Variants in NFAT5 observed in about 807,000 individuals in gnomAD.
NFAT5 encodes the protein nuclear factor of activated T-cells 5.
NFAT5 carries 31 observed loss-of-function variants against 166.5 expected under a neutral mutation model. The ratio of observed to expected loss-of-function variants is 0.19; its 90% CI spans 0.14 to 0.25. The LOEUF (loss-of-function observed/expected upper bound fraction) is 0.25, where lower values mean the gene tolerates loss of function less well. NFAT5 is among the 10% of genes least tolerant of loss of function. NFAT5 has a pLI of 1.00. For synonymous variants in NFAT5, 612 were observed against 639.7 expected, an observed-to-expected ratio of 0.96 and a Z score of 0.65; for missense variants, 1,449 against 1,821.8, an observed-to-expected ratio of 0.80 and a Z score of 3.72.
In NFAT5 at chr16:69,694,165, C is replaced by T. The variant is rs773391272; in HGVS notation, c.4340C>T (p.Thr1447Ile). Residue 1447 changes from threonine to isoleucine, a missense_variant, in exon 13 of 15, where the codon ACA (threonine) becomes ATA (isoleucine). Physicochemically the swap from Thr to Ile is moderately conservative, Grantham distance 89 (BLOSUM62 -1). Around this residue, in one of 7 missense-constraint regions of NFAT5, gnomAD observed 891 missense variants for 993.0 expected, o/e 0.90. Transcript: ENST00000349945. ...ATLFHNTAGG[T>I]MNQLQNSPGS... ...TTATTTCACAACACAGCAGGAGGCACAATGAACCAACTGCAGAATTCTCCT... is the reference window on the plus strand; with the variant it reads ...TTATTTCACAACACAGCAGGAGGCATAATGAACCAACTGCAGAATTCTCCT... 6 of 1,614,192 alleles carry T rather than the reference C, an allele frequency of 3.7e-6. No homozygotes were observed. Among genetic ancestry groups the T allele is most frequent in the Admixed American group, 3.3e-5 (2 of 60,028 alleles).
intron 7 of NFAT5, among the ~76,000 whole-genome samples, chr16:69,664,352 C>G (rs1471563739): frequency 6.6e-6 from 1 of 151,888 alleles, no homozygotes; most frequent in Non-Finnish European, 1.5e-5. Flanking sequence ...AGTGGCGATC[C>G]CGGCTCACTG....
At chr16:69,666,900 T>C (rs1202941872) in intron 7 of NFAT5, among the ~76,000 whole-genome samples, 1 of 151,946 alleles carries the variant, frequency 6.6e-6, no homozygotes, top group Non-Finnish European at 1.5e-5. Context: ...CTATTCACAA[T>C]AGCAAAGACT....
chr16:69,635,228 C>T (rs948284369), intron 3 of NFAT5, among the ~76,000 whole-genome samples: 1 of 152,190 alleles, frequency 6.6e-6, no homozygotes, highest in African/African-American at 2.4e-5. Context: ...CCAGGCTGGT[C>T]TTGAACTCCG....
intron 7 of NFAT5, among the ~76,000 whole-genome samples, chr16:69,668,767 C>T (rs1178466961): frequency 6.6e-6 from 1 of 152,154 alleles, no homozygotes; most frequent in Non-Finnish European, 1.5e-5. Context: ...CAACCTCCAC[C>T]TCCCAGGTTC....
Position 69,693,398 on chromosome 16 carries a change from A to G in NFAT5, c.3573A>G (p.Thr1191=). Residue 1191 remains threonine (T), a synonymous_variant, in exon 13 of 15, where the codon ACA becomes ACG. Transcript: ENST00000349945. ...APNSISPLQS[T]SNSEQQAAFQ... is the part of the protein sequence containing the mutation. ...ACTCAATTTCTCCACTTCAGTCAAC[A>G]TCAAACAGTGAACAACAAGCTGCTT... The G allele has an allele frequency of 6.2e-7, 1 of 1,614,222 alleles. No individual in the cohort carries two copies. Among genetic ancestry groups the G allele is most frequent in the South Asian group, 1.1e-5 (1 of 91,082 alleles).
intron 3 of NFAT5, among the ~76,000 whole-genome samples, chr16:69,630,561 A>T (rs1209369961): frequency 1.3e-5 from 2 of 152,236 alleles, no homozygotes; most frequent in African/African-American, 4.8e-5. Flanking sequence ...GAAAGCTTTA[A>T]AAATATAAAC....
intron 2 of NFAT5, among the ~76,000 whole-genome samples, chr16:69,613,125 G>C (rs951396491): frequency 2.0e-5 from 3 of 152,046 alleles, no homozygotes; most frequent in Non-Finnish European, 4.4e-5. Flanking sequence ...GTGCTACTTG[G>C]AACTCTCCTT....
chr16:69,703,589 G>A lies in NFAT5; in HGVS notation c.*7238G>A, dbSNP rs932265932. Reference sequence around the variant, plus strand: ...TCGTGAAAGAAAAATTCACATATCAGAATAAAAATAAATGTATACTCACTT... The same window carrying A: ...TCGTGAAAGAAAAATTCACATATCAAAATAAAAATAAATGTATACTCACTT... On this transcript the variant is annotated 3_prime_UTR_variant, in exon 15 of 15. Coordinates refer to ENST00000349945, the MANE Select transcript of NFAT5 (RefSeq NM_138713.4). 2 of 152,462 alleles carry A rather than the reference G, an allele frequency of 1.3e-5. No homozygotes were observed. Among genetic ancestry groups the A allele is most frequent in the African/African-American group, 4.8e-5 (2 of 41,376 alleles). The allele number at this position is 152,462 out of a possible 1,614,324, so 9.4% of individuals were successfully genotyped here.
Position 69,703,777 on chromosome 16 carries a change from C to T in NFAT5, c.*7426C>T, listed in dbSNP as rs1324851307. ...CCTTTTTCTCTTCCTCACTTTATTG[C>T]ATAACATATTCCTGTACCCAAAGCA... On this transcript the variant is annotated 3_prime_UTR_variant, in exon 15 of 15. Coordinates refer to ENST00000349945, the MANE Select transcript of NFAT5 (RefSeq NM_138713.4). 6.6e-6 allele frequency: 1 copy of T among 152,532 alleles called. No homozygotes were observed. The highest frequency in any genetic ancestry group is 1.5e-5 in the Non-Finnish European group (1 of 68,014). 9.4% of individuals were successfully genotyped at this position (152,532 alleles called of 1,614,324 possible).
At chr16:69,683,353 G>A (rs756231048) in intron 10 of NFAT5, among the ~76,000 whole-genome samples, 1 of 152,054 alleles carries the variant, frequency 6.6e-6, no homozygotes, top group Non-Finnish European at 1.5e-5. Context: ...GCAACATGGC[G>A]AAACACCATT....
In NFAT5 at chr16:69,670,084, A is replaced by G; in HGVS notation, c.1477A>G (p.Lys493Glu). Residue 493 changes from lysine to glutamate, a missense_variant, in exon 8 of 15, where the codon AAA becomes GAA. Transcript: ENST00000349945. ...CGGCAAGAACTTTCTGAAAGGAACT[A>G]AAGTTATTTTCCAAGAAAATGTTTC... The part of the protein sequence containing the change: ...LIGKNFLKGT[K>E]VIFQENVSDE... 3.7e-6 allele frequency: 6 copies of G among 1,612,496 alleles called. No individual in the cohort carries two copies. Among genetic ancestry groups the G allele is most frequent in the Non-Finnish European group, 5.1e-6 (6 of 1,179,598 alleles).
chr16:69,644,455 CTT>C (rs2035350125), intron 3 of NFAT5, among the ~76,000 whole-genome samples: 1 of 152,034 alleles, frequency 6.6e-6, no homozygotes, highest in Non-Finnish European at 1.5e-5. Flanking sequence ...TTTGTGCTAA[CTT>C]TTTCTTTAAT....
At chr16:69,611,161 TGATA>T (rs1439016502) in intron 2 of NFAT5, among the ~76,000 whole-genome samples, 1 of 152,202 alleles carries the variant, frequency 6.6e-6, no homozygotes, top group Non-Finnish European at 1.5e-5. Context: ...TTCTTTTCAT[TGATA>T]GATTATTATG....
At chr16:69,653,499 A>G in intron 5 of NFAT5, 71 bp downstream of exon 5, 1 of 912,634 alleles carries the variant, frequency 1.1e-6, no homozygotes, top group South Asian at 2.6e-5. Context: ...CCTGAAAAGT[A>G]AAATATTTTC....
In NFAT5 at chr16:69,588,894, C is replaced by T. The variant is rs182523931; in HGVS notation, c.127+20346C>T. 2.4e-3 allele frequency among the ~76,000 whole-genome samples: 356 copies of T among 150,540 alleles called. 5 individuals carry two copies. Among genetic ancestry groups the T allele is most frequent in the African/African-American group, 8.0e-3 (329 of 41,000 alleles). ...CCATGTAGAATGATTTGAATGTTTA[C>T]CACTGTCTAGTTTTGGAAAGAAAGA... On this transcript the variant is annotated intron_variant, in intron 2 of 14. Transcript: ENST00000349945.
rs766360508 is a variant in NFAT5, at chr16:69,691,076, C to T, written c.1911C>T (p.Ser637=). ...PMEVTAEKRS[S]TIFKTTKSVG... is the part of the protein sequence containing the mutation. The stretch of plus-strand genomic sequence containing the variant: ...AAGTAACAGCAGAAAAAAGATCTTC[C>T]ACTATTTTTAAGGTAAGCTGTATTG... The change falls in exon 12 of 15, where the codon TCC becomes TCT. Residue 637 remains serine (S), a synonymous_variant. Transcript: ENST00000349945. The T allele has an allele frequency of 1.9e-6, 3 of 1,597,104 alleles. No individual in the cohort carries two copies. Among genetic ancestry groups the T allele is most frequent in the East Asian group, 2.2e-5 (1 of 44,460 alleles).
chr16:69,626,490 G>C lies in NFAT5; in HGVS notation c.215G>C (p.Gly72Ala). The change falls in exon 3 of 15, where the codon GGT (glycine) becomes GCT (alanine). Residue 72 changes from glycine (G) to alanine (A), a missense_variant. Physicochemically the swap from Gly to Ala is moderately conservative, Grantham distance 60. This residue lies in a region of NFAT5 where 172 missense variants were observed against 194.5 expected (regional missense o/e 0.88). Coordinates refer to ENST00000349945, the MANE Select transcript of NFAT5 (RefSeq NM_138713.4). ...GCATCAATGAGTCAGACAAGCGGTG[G>C]TGAGGCAGGCTCGCCTCCTCCAGCT... ...SVASMSQTSG[G>A]EAGSPPPAVV... 5 of 1,584,462 alleles carry C rather than the reference G, an allele frequency of 3.2e-6. No individual in the cohort carries two copies. Among genetic ancestry groups the C allele is most frequent in the Non-Finnish European group, 4.3e-6 (5 of 1,166,410 alleles).
chr16:69,603,284 A>G (rs1300708005), intron 2 of NFAT5, among the ~76,000 whole-genome samples: 3 of 152,298 alleles, frequency 2.0e-5, no homozygotes, highest in Non-Finnish European at 2.9e-5. Context: ...TATCACTTTT[A>G]TAACCTAAAG....
intron 4 of NFAT5, chr16:69,649,487 A>ATTG: frequency 3.0e-6 from 3 of 984,018 alleles, no homozygotes; most frequent in Non-Finnish European, 3.6e-6. Flanking sequence ...GTATAATGAC[A>ATTG]TTGGTCAAGA....
Sources: gnomAD v4.1 joint callset for allele counts (sites outside exome capture counted in the v4.1 genomes callset) on GRCh38, gnomAD v4.1.1 for gene constraint, gnomAD v4.1.1 regional missense constraint, MANE v1.5 for transcripts, NCBI Gene and HGNC (gene_info 2026-07-23, HGNC 2026-07-21) for gene names.